Variants in PROM1 observed in about 807,000 individuals in gnomAD.
PROM1 encodes prominin-1.
Under a neutral mutation model 116.9 loss-of-function variants are expected in PROM1, and 105 were observed. That is an observed-to-expected ratio of 0.90 (90% CI 0.77 to 1.06). PROM1 has a LOEUF of 1.06. Ranked by LOEUF, PROM1 falls within the 50% of genes least tolerant of loss-of-function variation. The pLI is 0.00. For synonymous variants in PROM1, 393 were observed against 387.0 expected (o/e 1.02, Z -0.18); for missense variants, 1,122 against 1,045.2 (o/e 1.07, Z -1.01).
chr4:16,011,991 G>T (rs1038571655), intron 11 of PROM1, among the ~76,000 whole-genome samples: 2 of 151,876 alleles, frequency 1.3e-5, no homozygotes, highest in Non-Finnish European at 1.5e-5. Context: ...TTTCTTTTCT[G>T]TTCTTTTTTG....
At position 16,075,842 on chromosome 4, in the gene PROM1, TGCC is replaced by T; in HGVS notation, c.62_64del (p.Gly21_Gln22delinsGlu). 1 of 1,613,822 alleles carries T rather than the reference TGCC, an allele frequency of 6.2e-7. No individual in the cohort carries two copies. Among genetic ancestry groups the T allele is most frequent in the African/African-American group, 1.3e-5 (1 of 75,046 alleles). ...CTTAGGAGCATCTGTGGATGAAGGC[TGCC>T]CTCCTGAAAAGGAGTTCCCGCACAG... On this transcript the variant is annotated inframe_deletion, in exon 2 of 28. Coordinates refer to ENST00000447510, the MANE Select transcript of PROM1 (RefSeq NM_006017.3).
intron 20 of PROM1, 133 bp downstream of exon 20, chr4:15,987,530 G>A: frequency 1.1e-6 from 1 of 921,528 alleles, no homozygotes; most frequent in South Asian, 1.5e-5. Context: ...AGCCCAATTT[G>A]CTATTTAAAA....
Position 16,012,889 on chromosome 4 carries a change from A to AAAC in PROM1, c.1141+383_1141+385dup, listed in dbSNP as rs1186812546. Among the ~76,000 whole-genome samples, 27 of 148,346 alleles carry AAAC rather than the reference A, an allele frequency of 1.8e-4. 1 individual carries two copies. The highest frequency in any genetic ancestry group is 6.5e-4 in the African/African-American group (26 of 40,294). ...CTGTCTCAAAAAAAAAAAAAAAAAAAAACAACAAACTTTGATCTTAAGTTT... is the reference window on the plus strand; with the variant it reads ...CTGTCTCAAAAAAAAAAAAAAAAAAAAACAACAACAAACTTTGATCTTAAGTTT... On this transcript the variant is annotated intron_variant, in intron 11 of 27. Coordinates refer to ENST00000447510, the MANE Select transcript of PROM1 (RefSeq NM_006017.3).
intron 2 of PROM1, among the ~76,000 whole-genome samples, chr4:16,039,763 T>C (rs1431342287): frequency 6.6e-6 from 1 of 150,562 alleles, no homozygotes; most frequent in African/African-American, 2.5e-5. Context: ...ACATGGGAAA[T>C]CCTTCTCTTC....
chr4:16,024,412 G>A (rs2149337558), intron 6 of PROM1, 54 bp from the exon 7 acceptor site: 2 of 1,445,612 alleles, frequency 1.4e-6, no homozygotes, highest in Non-Finnish European at 1.9e-6. Context: ...AAGGCAATAA[G>A]AGGGCAAAAA....
At chr4:16,060,797 TA>T (rs1740140054) in intron 2 of PROM1, among the ~76,000 whole-genome samples, 1 of 152,258 alleles carries the variant, frequency 6.6e-6, no homozygotes, top group Admixed American at 6.5e-5. Flanking sequence ...AACATATATA[TA>T]CATTGTTTTA....
intron 2 of PROM1, among the ~76,000 whole-genome samples, chr4:16,045,437 G>A (rs924786717): frequency 6.6e-6 from 1 of 152,150 alleles, no homozygotes; most frequent in Non-Finnish European, 1.5e-5. Context: ...ACTCACGGCA[G>A]CCTCTATGTT....
At chr4:15,975,841 A>C (rs1326376107) in intron 26 of PROM1, among the ~76,000 whole-genome samples, 1 of 152,214 alleles carries the variant, frequency 6.6e-6, no homozygotes, top group African/African-American at 2.4e-5. Flanking sequence ...ACAAGTCTCG[A>C]TTTAATTGTT....
At chr4:16,025,774 A>C (rs1474054945) in intron 5 of PROM1, among the ~76,000 whole-genome samples, 1 of 152,176 alleles carries the variant, frequency 6.6e-6, no homozygotes, top group African/African-American at 2.4e-5. Context: ...AAGGCTATAG[A>C]AAAAAACATC....
intron 2 of PROM1, among the ~76,000 whole-genome samples, chr4:16,053,015 TA>T (rs1389853585): frequency 3.3e-5 from 5 of 152,294 alleles, no homozygotes; most frequent in South Asian, 2.1e-4. Context: ...ATAAAAGCTA[TA>T]AAAAAATTAA....
At chr4:16,026,484 AAAT>A (rs1731320881) in intron 5 of PROM1, among the ~76,000 whole-genome samples, 1 of 152,218 alleles carries the variant, frequency 6.6e-6, no homozygotes, top group Non-Finnish European at 1.5e-5. Context: ...AAAGTTTTGC[AAAT>A]AATAGGCAAA....
Position 16,042,506 on chromosome 4 carries a change from A to C in PROM1, c.221-3505T>G, listed in dbSNP as rs555613283. On this transcript the variant is annotated intron_variant, in intron 2 of 27. Coordinates refer to ENST00000447510, the MANE Select transcript of PROM1 (RefSeq NM_006017.3). ...GGGTACGGTGTACATTATTCAGGTG[A>C]TGGATACTCTAGAAGCCCTGACTTC... Among the ~76,000 whole-genome samples the C allele has an allele frequency of 2.0e-5, 3 of 152,328 alleles. No individual in the cohort carries two copies. In the East Asian group the frequency reaches 5.8e-4, roughly 29 times the overall value.
At chr4:16,077,484 G>A (rs927723066) in intron 1 of PROM1, among the ~76,000 whole-genome samples, 2 of 152,148 alleles carry the variant, frequency 1.3e-5, no homozygotes, top group Admixed American at 6.5e-5. Flanking sequence ...TCAGAGGCCA[G>A]GATGGATCCT....
At chr4:15,994,302 T>C (rs1314085298) in intron 15 of PROM1, among the ~76,000 whole-genome samples, 3 of 152,254 alleles carry the variant, frequency 2.0e-5, no homozygotes, top group East Asian at 3.8e-4. Context: ...ATAGGATTGA[T>C]GAATATATCT....
chr4:15,973,306 G>A (rs1265243854), intron 26 of PROM1, among the ~76,000 whole-genome samples: 2 of 152,192 alleles, frequency 1.3e-5, no homozygotes, highest in Admixed American at 6.5e-5. Context: ...AATTAGCTGA[G>A]CACGGTGGTG....
Position 15,984,269 on chromosome 4 carries a change from G to T in PROM1, c.2367C>A (p.Asp789Glu). 1 of 1,595,880 alleles carries T rather than the reference G, an allele frequency of 6.3e-7. No individual in the cohort carries two copies. Among genetic ancestry groups the T allele is most frequent in the Non-Finnish European group, 8.6e-7 (1 of 1,166,236 alleles). ...VDVFLCSYIIDPLNLFWFGIG... is the reference protein window; with the variant it reads ...VDVFLCSYIIEPLNLFWFGIG... ...TTGAAAGATGAAATCTTACCAAGGG[G>T]TCGATAATGTAGCTACACAGAAAGA... is the stretch of plus-strand genomic sequence containing the variant. The change falls in exon 23 of 28, where the codon GAC (aspartate) becomes GAA (glutamate). Residue 789 changes from aspartate (D) to glutamate (E), a missense_variant. Physicochemically the swap from Asp to Glu is conservative, Grantham distance 45. Coordinates refer to ENST00000447510, the MANE Select transcript of PROM1 (RefSeq NM_006017.3).
At chr4:16,023,888 C>T (rs746722894) in intron 7 of PROM1, among the ~76,000 whole-genome samples, 1 of 152,202 alleles carries the variant, frequency 6.6e-6, no homozygotes, top group Non-Finnish European at 1.5e-5. Context: ...TTGAGAAGCA[C>T]TAAGCTAAAC....
At chr4:16,004,474 T>G (rs966934214) in intron 13 of PROM1, among the ~76,000 whole-genome samples, 1 of 152,164 alleles carries the variant, frequency 6.6e-6, no homozygotes, top group African/African-American at 2.4e-5. Flanking sequence ...AAAATTTCGA[T>G]GAGGGGTGCA....
intron 13 of PROM1, chr4:16,003,246 G>T (rs1217563196): frequency 1.1e-5 from 5 of 455,828 alleles, no homozygotes; most frequent in Non-Finnish European, 2.2e-5. Context: ...CTCTTCTACA[G>T]CTGGACATGT....
Sources: gnomAD v4.1 joint callset for allele counts (sites outside exome capture counted in the v4.1 genomes callset) on GRCh38, gnomAD v4.1.1 for gene constraint, MANE v1.5 for transcripts, NCBI Gene and HGNC (gene_info 2026-07-23, HGNC 2026-07-21) for gene names.